Variants in PTPRN2 observed in about 807,000 individuals in gnomAD.
PTPRN2 encodes the protein protein tyrosine phosphatase receptor type N2.
In PTPRN2, 74 loss-of-function variants were observed where a neutral mutation model predicts 118.8. The observed-to-expected ratio is 0.62, with a 90% confidence interval of 0.52 to 0.76. The LOEUF is 0.76. Among genes scored for constraint, PTPRN2 ranks in the 30% least tolerant of loss-of-function variants. The pLI is 0.00. For synonymous variants in PTPRN2, 641 were observed against 608.0 expected, an observed-to-expected ratio of 1.05 and a Z score of -0.80; for missense variants, 1,481 against 1,394.4, an observed-to-expected ratio of 1.06 and a Z score of -0.99.
chr7:157,658,090 ATCC>A (rs1312586682), intron 13 of PTPRN2, among the ~76,000 whole-genome samples: 1 of 149,936 alleles, frequency 6.7e-6, no homozygotes, highest in Non-Finnish European at 1.5e-5. Flanking sequence ...CATCCACTGG[ATCC>A]TCCTCTGTCA....
chr7:157,839,413 G>C (rs10240814), intron 12 of PTPRN2, among the ~76,000 whole-genome samples: 5,410 of 151,662 alleles, frequency 0.036, 245 homozygotes, highest in South Asian at 0.12. Context: ...GTGTGTTTGT[G>C]TTTGTGAGAG....
At chr7:157,768,722 A>T (rs1802629606) in intron 12 of PTPRN2, among the ~76,000 whole-genome samples, 1 of 152,220 alleles carries the variant, frequency 6.6e-6, no homozygotes, top group African/African-American at 2.4e-5. Context: ...CTTAAAATAT[A>T]AAAAACATTG....
chr7:157,660,944 G>C (rs1052444885), intron 13 of PTPRN2, among the ~76,000 whole-genome samples: 2 of 152,164 alleles, frequency 1.3e-5, no homozygotes, highest in Admixed American at 6.5e-5. Flanking sequence ...TAGTAGAGAC[G>C]GGCTTCACCA....
intron 1 of PTPRN2, among the ~76,000 whole-genome samples, chr7:158,524,983 C>A (rs1824659243): frequency 6.6e-6 from 1 of 152,174 alleles, no homozygotes; most frequent in Non-Finnish European, 1.5e-5. Flanking sequence ...ACCACCTGTG[C>A]CAGCATCACT....
At chr7:158,280,081 G>C (rs556959825) in intron 3 of PTPRN2, among the ~76,000 whole-genome samples, 140 of 152,052 alleles carry the variant, frequency 9.2e-4, no homozygotes, top group Non-Finnish European at 8.4e-4. Flanking sequence ...AGACACAGCA[G>C]TTTGCTCTCA....
intron 3 of PTPRN2, among the ~76,000 whole-genome samples, chr7:158,300,442 C>T (rs1029729281): frequency 6.6e-6 from 1 of 152,214 alleles, no homozygotes. Flanking sequence ...GCTGCTGTTG[C>T]TGTCTTGAAA....
At chr7:158,346,873 C>T (rs1807550915) in intron 2 of PTPRN2, among the ~76,000 whole-genome samples, 2 of 152,322 alleles carry the variant, frequency 1.3e-5, no homozygotes, top group South Asian at 4.1e-4. Flanking sequence ...CATCTTTTCA[C>T]ATACATGTTG....
intron 2 of PTPRN2, among the ~76,000 whole-genome samples, chr7:158,464,456 G>A (rs113719519): frequency 5.5e-5 from 5 of 90,368 alleles, no homozygotes; most frequent in African/African-American, 1.4e-4. Flanking sequence ...CATCACCACC[G>A]TCATCATCCT....
At chr7:158,141,126 T>TTCTGCCCTAGAGGGATCCCACTGCGACCC (rs1819347646) in intron 6 of PTPRN2, among the ~76,000 whole-genome samples, 1 of 152,232 alleles carries the variant, frequency 6.6e-6, no homozygotes, top group East Asian at 1.9e-4. Context: ...CGCCGCAACC[T>TTCTGCCCTAGAGGGATCCCACTGCGACCC]TCTGCCCTAG....
At chr7:157,725,260 GAGCCAGACCC>G in intron 12 of PTPRN2, among the ~76,000 whole-genome samples, 1 of 134,540 alleles carries the variant, frequency 7.4e-6, no homozygotes, top group African/African-American at 3.3e-5. Flanking sequence ...GCAGAGGAGT[GAGCCAGACCC>G]TGGCCTCCCA....
chr7:158,490,306 A>G (rs148653572), intron 1 of PTPRN2, among the ~76,000 whole-genome samples: 4,006 of 152,260 alleles, frequency 0.026, 94 homozygotes, highest in South Asian at 0.065. Context: ...GAGGGTCGGG[A>G]GAGGAAAGGA....
chr7:158,395,432 A>C (rs1168260962), intron 2 of PTPRN2, among the ~76,000 whole-genome samples: 1 of 5,338 alleles, frequency 1.9e-4, no homozygotes, highest in Non-Finnish European at 3.7e-4. Flanking sequence ...GTGAGGGGCG[A>C]GGGGTGAGGC....
chr7:157,802,230 C>G (rs1258862561), intron 12 of PTPRN2, among the ~76,000 whole-genome samples: 3 of 152,250 alleles, frequency 2.0e-5, no homozygotes, highest in Non-Finnish European at 4.4e-5. Context: ...TGGAACGGCC[C>G]CTTCCCGTGC....
intron 11 of PTPRN2, among the ~76,000 whole-genome samples, chr7:158,053,406 TCTGA>T (rs1451770365): frequency 6.6e-6 from 1 of 152,164 alleles, no homozygotes; most frequent in African/African-American, 2.4e-5. Context: ...CCGATGTGGC[TCTGA>T]CTGTTTAATT....
chr7:158,461,991 C>T (rs1330482760), intron 2 of PTPRN2, among the ~76,000 whole-genome samples: 2 of 152,298 alleles, frequency 1.3e-5, no homozygotes, highest in African/African-American at 2.4e-5. Flanking sequence ...CTTGGGTGAA[C>T]GCCTCCCGTC....
rs1214142540 is a variant in PTPRN2, at chr7:157,897,828, CAT to C, written c.1788+843_1788+844del. ...GGCTCTGCTGTGCAGCGAGCACACT[CAT>C]AAATAAGCGCTCCTTCACAGTTAAT... On this transcript the variant is annotated intron_variant, in intron 12 of 22. Coordinates refer to ENST00000389418, the MANE Select transcript of PTPRN2 (RefSeq NM_002847.5). 2.6e-5 allele frequency among the ~76,000 whole-genome samples: 4 copies of C among 152,282 alleles called. No individual in the cohort carries two copies. The East Asian group carries it at 5.8e-4, about 22-fold the overall frequency.
chr7:158,361,790 C>T (rs971857424), intron 2 of PTPRN2, among the ~76,000 whole-genome samples: 6 of 152,152 alleles, frequency 3.9e-5, no homozygotes, highest in African/African-American at 1.4e-4. Context: ...CAGGTGTGGG[C>T]TCACCTTCAC....
intron 21 of PTPRN2, among the ~76,000 whole-genome samples, chr7:157,559,659 G>A (rs1231981618): frequency 6.6e-6 from 1 of 152,138 alleles, no homozygotes; most frequent in Non-Finnish European, 1.5e-5. Context: ...TGCGCAGGCC[G>A]GGCCAGCCTG....
intron 11 of PTPRN2, among the ~76,000 whole-genome samples, chr7:157,936,967 C>T (rs981369263): frequency 6.6e-6 from 1 of 152,224 alleles, no homozygotes; most frequent in African/African-American, 2.4e-5. Flanking sequence ...ATTCTTTCTG[C>T]AATATTCTGT....
Sources: allele counts gnomAD v4.1 joint callset (sites outside exome capture counted in the v4.1 genomes callset), GRCh38; gene constraint gnomAD v4.1.1; transcripts MANE v1.5; gene names NCBI Gene and HGNC (gene_info 2026-07-23, HGNC 2026-07-21).